The following CLEC16A variants were observed in gnomAD, a reference collection of about 807,000 sequenced individuals.
CLEC16A encodes protein CLEC16A.
CLEC16A carries 51 observed loss-of-function variants against 109.5 expected under a neutral mutation model. That is an observed-to-expected ratio of 0.47 (90% confidence interval 0.37 to 0.59). The LOEUF is 0.59. CLEC16A is among the 20% of genes least tolerant of loss of function. The pLI is 0.00. For missense variants in CLEC16A, 1,339 were observed against 1,394.0 expected (o/e 0.96, Z 0.63); for synonymous variants, 673 against 564.2 (o/e 1.19, Z -2.73).
chr16:11,064,408 G>A (rs1346329067), intron 19 of CLEC16A, among the ~76,000 whole-genome samples: 1 of 152,202 alleles, frequency 6.6e-6, no homozygotes, highest in African/African-American at 2.4e-5. Context: ...GCAGCCACTG[G>A]CATCATTGGA....
intron 4 of CLEC16A, 52 bp downstream of exon 4, chr16:10,969,361 T>A: frequency 8.9e-7 from 1 of 1,124,648 alleles, no homozygotes; most frequent in Non-Finnish European, 1.2e-6. Context: ...ACGTGGCTTT[T>A]TTTTTTTTTT....
At chr16:11,120,851 G>C (rs988560051) in intron 20 of CLEC16A, 85 bp downstream of exon 20, 46 of 1,164,954 alleles carry the variant, frequency 3.9e-5, no homozygotes, top group Non-Finnish European at 5.1e-5. Flanking sequence ...ACACACAATT[G>C]TCATCTTTAT....
intron 11 of CLEC16A, among the ~76,000 whole-genome samples, chr16:11,011,561 T>A (rs925256108): frequency 2.2e-4 from 34 of 152,164 alleles, no homozygotes; most frequent in African/African-American, 7.7e-4. Flanking sequence ...CTCCTCTGCC[T>A]GTCCTTGGAA....
chr16:11,123,356 A>T (rs183924583), intron 20 of CLEC16A, among the ~76,000 whole-genome samples: 1 of 152,310 alleles, frequency 6.6e-6, no homozygotes, highest in East Asian at 1.9e-4. Flanking sequence ...CCAGATGGTA[A>T]TAGTAATTTT....
chr16:11,032,176 G>A (rs1372972503), intron 13 of CLEC16A, among the ~76,000 whole-genome samples: 1 of 152,228 alleles, frequency 6.6e-6, no homozygotes, highest in African/African-American at 2.4e-5. Context: ...GGGCATGAGA[G>A]CCTGTGGCAT....
At chr16:11,146,684 G>T (rs999899961) in intron 22 of CLEC16A, among the ~76,000 whole-genome samples, 2 of 147,378 alleles carry the variant, frequency 1.4e-5, no homozygotes, top group Non-Finnish European at 3.0e-5. Context: ...TGGACTGGCA[G>T]ATGGGTAAAT....
intron 14 of CLEC16A, chr16:11,041,241 C>T (rs1231902159): frequency 6.6e-6 from 1 of 152,136 alleles, no homozygotes; most frequent in Non-Finnish European, 1.5e-5. Context: ...ATAGAGATTC[C>T]TTCAGGACCT....
Position 11,123,823 on chromosome 16 carries a change from A to C in CLEC16A, c.2350A>C (p.Lys784Gln). ...CAAGCCTGCGTCCAGCCCCCATTCC[A>C]AGCCCTTCCCCATCCTCCAGGCCAC... Reference protein sequence around the residue: ...IHKPASSPHSKPFPILQATFI... With the variant: ...IHKPASSPHSQPFPILQATFI... The change falls in exon 21 of 24, where the codon AAG becomes CAG. Residue 784 changes from lysine (K) to glutamine (Q), a missense_variant. This residue lies in a region of CLEC16A where 1,061 missense variants were observed against 1,006.8 expected (regional missense o/e 1.05). Transcript: ENST00000409790. 1 of 1,613,886 alleles carries C rather than the reference A, an allele frequency of 6.2e-7. No individual in the cohort carries two copies. Among genetic ancestry groups the C allele is most frequent in the Admixed American group, 1.7e-5 (1 of 60,020 alleles).
At chr16:11,140,062 T>C (rs934474700) in intron 22 of CLEC16A, among the ~76,000 whole-genome samples, 19 of 152,242 alleles carry the variant, frequency 1.2e-4, no homozygotes, top group Non-Finnish European at 2.9e-5. Flanking sequence ...CTGCTTCTTC[T>C]ACCTCTTCTA....
At position 11,181,270 on chromosome 16, in the gene CLEC16A, A is replaced by G. The variant is rs1447135355; in HGVS notation, c.*2580A>G. ...GGCGCTCCCAGACAGGCCAGTCCAG[A>G]CAGGACACGCTGGGCCCCTGGCATC... On this transcript the variant is annotated 3_prime_UTR_variant, in exon 24 of 24. Coordinates refer to ENST00000409790, the MANE Select transcript of CLEC16A (RefSeq NM_015226.3). 6.6e-6 allele frequency: 1 copy of G among 152,330 alleles called. No homozygotes were observed. The highest frequency in any genetic ancestry group is 2.4e-5 in the African/African-American group (1 of 41,462). 9.4% of individuals were successfully genotyped at this position (152,330 alleles called of 1,614,324 possible).
chr16:11,042,186 G>A, intron 14 of CLEC16A, 68 bp from the exon 15 acceptor site: 2 of 1,173,158 alleles, frequency 1.7e-6, no homozygotes, highest in Non-Finnish European at 2.5e-6. Flanking sequence ...AACGTGGATA[G>A]GCAGCAGTCT....
intron 19 of CLEC16A, among the ~76,000 whole-genome samples, chr16:11,117,048 C>T (rs928543465): frequency 1.3e-5 from 2 of 152,196 alleles, no homozygotes; most frequent in African/African-American, 4.8e-5. Context: ...ATGGATGCAG[C>T]TGGCAGCCTA....
chr16:11,145,802 C>T (rs997969129), intron 22 of CLEC16A, among the ~76,000 whole-genome samples: 1 of 152,240 alleles, frequency 6.6e-6, no homozygotes, highest in African/African-American at 2.4e-5. Context: ...ATTCTTAGCA[C>T]CAAAGATCCT....
At chr16:11,072,781 C>G (rs947155982) in intron 19 of CLEC16A, among the ~76,000 whole-genome samples, 2 of 152,258 alleles carry the variant, frequency 1.3e-5, no homozygotes, top group Admixed American at 1.3e-4. Context: ...TTCCTCTTGA[C>G]TGCATATTGG....
At chr16:11,171,917 C>T (rs908716056) in intron 23 of CLEC16A, among the ~76,000 whole-genome samples, 1 of 151,708 alleles carries the variant, frequency 6.6e-6, no homozygotes, top group African/African-American at 2.4e-5. Flanking sequence ...GTCACACACA[C>T]CAGTACACAT....
intron 19 of CLEC16A, among the ~76,000 whole-genome samples, chr16:11,112,438 C>T (rs142156164): frequency 7.6e-4 from 107 of 141,274 alleles, no homozygotes; most frequent in African/African-American, 2.8e-3. Context: ...GGCAGGAGGA[C>T]CACTTGATCC....
chr16:11,087,944 C>T (rs888748856), intron 19 of CLEC16A, among the ~76,000 whole-genome samples: 8 of 152,348 alleles, frequency 5.3e-5, no homozygotes, highest in African/African-American at 1.7e-4. Flanking sequence ...GCCCTGGGCT[C>T]CTCCACCTGG....
In CLEC16A at chr16:11,020,286, GCGC is replaced by G. The variant is rs766621712; in HGVS notation, c.1405_1407del (p.Ala469del). On this transcript the variant is annotated inframe_deletion, in exon 12 of 24. Transcript: ENST00000409790. Reference sequence around the variant, plus strand: ...CAGAACACCACGGACGAGGAGAAAAGCGCCGCCGCCACCTGCTCTGAGAGCACG... The same window carrying G: ...CAGAACACCACGGACGAGGAGAAAAGCGCCGCCACCTGCTCTGAGAGCACG... 102 of 1,613,486 alleles carry G rather than the reference GCGC, an allele frequency of 6.3e-5. No individual in the cohort carries two copies. The highest frequency in any genetic ancestry group is 8.1e-5 in the Non-Finnish European group (96 of 1,179,756).
intron 19 of CLEC16A, among the ~76,000 whole-genome samples, chr16:11,096,603 A>G (rs1216942922): frequency 6.6e-6 from 1 of 152,178 alleles, no homozygotes; most frequent in African/African-American, 2.4e-5. Context: ...CCCAAAGATA[A>G]CCACATGAGT....
Sources: gnomAD v4.1 joint callset for allele counts (sites outside exome capture counted in the v4.1 genomes callset) on GRCh38, gnomAD v4.1.1 for gene constraint, gnomAD v4.1.1 regional missense constraint, MANE v1.5 for transcripts, NCBI Gene and HGNC (gene_info 2026-07-23, HGNC 2026-07-21) for gene names.